Variants in SUPT3H observed in about 807,000 individuals in gnomAD.
SUPT3H encodes the protein SPT3 homolog, SAGA and STAGA complex component, also known as transcription initiation protein SPT3 homolog.
A neutral mutation model predicts 44.3 loss-of-function variants in SUPT3H; 44 were observed. The observed-to-expected ratio is 0.99, with a 90% CI of 0.78 to 1.28. The LOEUF (loss-of-function observed/expected upper bound fraction) is 1.28. SUPT3H is among the 50% of genes most tolerant of loss of function. The probability of loss-of-function intolerance (pLI) is 0.00; values close to 1 mark genes in which losing one functional copy is unlikely to be tolerated. For missense variants in SUPT3H, 380 were observed against 387.1 expected, an observed-to-expected ratio of 0.98 and a Z score of 0.15; for synonymous variants, 124 against 125.6, an observed-to-expected ratio of 0.99 and a Z score of 0.09.
chr6:44,917,832 A>G (rs2153455532), intron 10 of SUPT3H, among the ~76,000 whole-genome samples: 1 of 152,312 alleles, frequency 6.6e-6, no homozygotes, highest in Admixed American at 6.5e-5. Flanking sequence ...ATACTCCTCT[A>G]TCATCATATA....
chr6:45,175,111 A>C (rs933685417), intron 2 of SUPT3H, among the ~76,000 whole-genome samples: 1 of 151,914 alleles, frequency 6.6e-6, no homozygotes, highest in Non-Finnish European at 1.5e-5. Flanking sequence ...ACTTACATAG[A>C]ACTTCCTACT....
At chr6:44,837,613 C>A (rs1270138678) in intron 10 of SUPT3H, among the ~76,000 whole-genome samples, 1 of 152,184 alleles carries the variant, frequency 6.6e-6, no homozygotes, top group African/African-American at 2.4e-5. Flanking sequence ...GGTCTCAGTT[C>A]CCACTGGGAG....
At chr6:45,267,018 CTATAAG>C (rs763978386) in intron 2 of SUPT3H, among the ~76,000 whole-genome samples, 13 of 152,138 alleles carry the variant, frequency 8.5e-5, no homozygotes, top group South Asian at 2.1e-4. Context: ...TACCTTCAGC[CTATAAG>C]TATAAGGTAT....
chr6:45,021,779 T>C lies in SUPT3H; in HGVS notation c.187-1147A>G, dbSNP rs549831057. 3.9e-5 allele frequency among the ~76,000 whole-genome samples: 6 copies of C among 152,072 alleles called. No homozygotes were observed. The East Asian group carries it at 1.2e-3, about 29-fold the overall frequency. ...TTTTTGCTAAGTAAGCTTCAAACCT[T>C]CTCTAAATACACAGACTACAAAATA... On this transcript the variant is annotated intron_variant, in intron 3 of 10. Coordinates refer to ENST00000371459, the MANE Select transcript of SUPT3H (RefSeq NM_003599.4).
At chr6:45,059,597 C>A (rs77194731) in intron 3 of SUPT3H, among the ~76,000 whole-genome samples, 2 of 151,962 alleles carry the variant, frequency 1.3e-5, no homozygotes, top group African/African-American at 4.8e-5. Context: ...GGCAATCAGG[C>A]AAGAGAAAGA....
intron 3 of SUPT3H, among the ~76,000 whole-genome samples, chr6:45,035,658 A>T (rs1404675483): frequency 3.3e-5 from 5 of 152,168 alleles, no homozygotes; most frequent in African/African-American, 1.2e-4. Flanking sequence ...ATGAATTAGA[A>T]GGGAAAAATT....
At chr6:45,295,401 T>C (rs538003575) in intron 2 of SUPT3H, among the ~76,000 whole-genome samples, 8 of 151,880 alleles carry the variant, frequency 5.3e-5, no homozygotes, top group African/African-American at 1.2e-4. Flanking sequence ...GAAGGTAACA[T>C]TGGAAAAACC....
intron 2 of SUPT3H, among the ~76,000 whole-genome samples, chr6:45,291,334 G>A (rs1780285421): frequency 6.6e-6 from 1 of 152,278 alleles, no homozygotes; most frequent in South Asian, 2.1e-4. Flanking sequence ...ACAGAGAGAA[G>A]GAACCAAATG....
At chr6:45,372,295 G>C (rs1796177523) in intron 1 of SUPT3H, among the ~76,000 whole-genome samples, 1 of 152,254 alleles carries the variant, frequency 6.6e-6, no homozygotes, top group African/African-American at 2.4e-5. Flanking sequence ...AAAGCCCTTA[G>C]TAAACCGCCT....
chr6:45,128,555 TATACAC>T (rs1490192389), intron 2 of SUPT3H, among the ~76,000 whole-genome samples: 1,470 of 58,246 alleles, frequency 0.025, 30 homozygotes, highest in South Asian at 0.074. Flanking sequence ...TATATATATA[TATACAC>T]ACACACACAC....
At chr6:45,147,565 G>A (rs1806283655) in intron 2 of SUPT3H, among the ~76,000 whole-genome samples, 1 of 151,880 alleles carries the variant, frequency 6.6e-6, no homozygotes, top group Non-Finnish European at 1.5e-5. Context: ...TAAAGGAAGG[G>A]TATAAGGGAC....
intron 2 of SUPT3H, among the ~76,000 whole-genome samples, chr6:45,184,233 G>A (rs999997855): frequency 6.6e-6 from 1 of 152,076 alleles, no homozygotes; most frequent in African/African-American, 2.4e-5. Context: ...GCACAACATC[G>A]TGAATGTAAT....
At chr6:45,133,162 A>C (rs1803744772) in intron 2 of SUPT3H, among the ~76,000 whole-genome samples, 1 of 152,212 alleles carries the variant, frequency 6.6e-6, no homozygotes, top group Non-Finnish European at 1.5e-5. Flanking sequence ...CAAATTGAGA[A>C]GGCAGTATCA....
intron 10 of SUPT3H, among the ~76,000 whole-genome samples, chr6:44,863,703 T>C (rs1775032289): frequency 1.3e-5 from 2 of 152,024 alleles, no homozygotes; most frequent in East Asian, 3.9e-4. Flanking sequence ...TTCATGCTGC[T>C]GATAAAGACA....
chr6:44,847,574 G>A (rs1443041247), intron 10 of SUPT3H, among the ~76,000 whole-genome samples: 3 of 150,750 alleles, frequency 2.0e-5, no homozygotes, highest in Admixed American at 1.3e-4. Context: ...TACAACCTCC[G>A]CCTCCCGGGT....
chr6:45,047,150 A>G (rs1789530600), intron 3 of SUPT3H, among the ~76,000 whole-genome samples: 3 of 152,200 alleles, frequency 2.0e-5, no homozygotes, highest in South Asian at 4.1e-4. Flanking sequence ...TCCTGCAACT[A>G]AAGTCAGTTT....
intron 10 of SUPT3H, among the ~76,000 whole-genome samples, chr6:44,920,159 T>C (rs1351653936): frequency 2.0e-5 from 3 of 151,204 alleles, no homozygotes; most frequent in Admixed American, 6.6e-5. Flanking sequence ...ATTACAGGCA[T>C]GAGTCACTGT....
intron 2 of SUPT3H, among the ~76,000 whole-genome samples, chr6:45,201,676 A>C (rs1218923831): frequency 2.0e-5 from 3 of 151,890 alleles, no homozygotes; most frequent in Non-Finnish European, 4.4e-5. Flanking sequence ...GAAACACAGA[A>C]TAGGACAGAG....
chr6:45,014,928 A>G, intron 4 of SUPT3H, 37 bp from the exon 5 acceptor site: 2 of 1,288,570 alleles, frequency 1.6e-6, no homozygotes, highest in Non-Finnish European at 2.1e-6. Flanking sequence ...AAGAAAACCT[A>G]TACATATATT....
Sources: allele counts gnomAD v4.1 joint callset (sites outside exome capture counted in the v4.1 genomes callset), GRCh38; gene constraint gnomAD v4.1.1; transcripts MANE v1.5; gene names NCBI Gene and HGNC (gene_info 2026-07-23, HGNC 2026-07-21).